MANBAL: variants seen among roughly 807,000 people sequenced by gnomAD.
The protein encoded by MANBAL is protein MANBAL.
A neutral mutation model predicts 6.4 loss-of-function variants in MANBAL; 1 was observed. The ratio of observed to expected loss-of-function variants is 0.16; its 90% CI spans 0.06 to 0.74. The LOEUF (loss-of-function observed/expected upper bound fraction) is 0.74, where lower values mean the gene tolerates loss of function less well. MANBAL is among the 30% of genes least tolerant of loss of function. The pLI is 0.78. For synonymous variants in MANBAL, 47 were observed against 45.8 expected (o/e 1.03, Z -0.10); for missense variants, 100 against 107.8 (o/e 0.93, Z 0.32).
At chr20:37,307,415 T>C (rs113299636) in intron 2 of MANBAL, among the ~76,000 whole-genome samples, 2,224 of 152,246 alleles carry the variant, frequency 0.015, 26 homozygotes, top group Middle Eastern at 0.058. Flanking sequence ...AATAGCAAAA[T>C]GTTCCGTGTG....
chr20:37,308,909 A>G (rs16986566), intron 2 of MANBAL, among the ~76,000 whole-genome samples: 1,594 of 152,300 alleles, frequency 0.01, 35 homozygotes, highest in African/African-American at 0.035. Context: ...ATCTGTTCAT[A>G]TGCTTATAGT....
chr20:37,290,441 CTT>C (rs35253533), intron 1 of MANBAL, among the ~76,000 whole-genome samples: 6 of 144,710 alleles, frequency 4.1e-5, no homozygotes, highest in Admixed American at 1.4e-4. Context: ...TTTTTCTTTC[CTT>C]TTTTTTTTTT....
chr20:37,306,542 C>T (rs1351835562), intron 2 of MANBAL, among the ~76,000 whole-genome samples: 1 of 152,202 alleles, frequency 6.6e-6, no homozygotes, highest in African/African-American at 2.4e-5. Context: ...ATTGGCAACT[C>T]ATTAAACTCA....
chr20:37,316,510 G>A lies in MANBAL; in HGVS notation c.*95G>A. On this transcript the variant is annotated 3_prime_UTR_variant, in exon 3 of 3. Transcript: ENST00000373606. ...TGTGTTCCCCCGCATTCCAGGCTCA[G>A]GGTCTGAGGAGGCTGTGACGCCCTA... The A allele has an allele frequency of 1.8e-6, 2 of 1,133,744 alleles. No homozygotes were observed. The highest frequency in any genetic ancestry group is 2.5e-6 in the Non-Finnish European group (2 of 794,000). 70.2% of individuals were successfully genotyped at this position (1,133,744 alleles called of 1,614,324 possible).
rs2069523703 is a variant in MANBAL at position 37,316,492 on chromosome 20, C to T, written c.*77C>T. The T allele has an allele frequency of 7.7e-7, 1 of 1,307,020 alleles. No homozygotes were observed. The highest frequency in any genetic ancestry group is 1.5e-5 in the African/African-American group (1 of 67,422). 81.0% of individuals were successfully genotyped at this position (1,307,020 alleles called of 1,614,324 possible). A position where few individuals can be genotyped will look rare whatever the true frequency, so the allele number is the denominator to read the frequency against. On this transcript the variant is annotated 3_prime_UTR_variant, in exon 3 of 3. Coordinates refer to ENST00000373606, the MANE Select transcript of MANBAL (RefSeq NM_001003897.2). ...CCTCCTGGGAATCTACATTGTGTTCCCCCGCATTCCAGGCTCAGGGTCTGA... is the reference window on the plus strand; with the variant it reads ...CCTCCTGGGAATCTACATTGTGTTCTCCCGCATTCCAGGCTCAGGGTCTGA...
At chr20:37,307,920 G>T (rs1203385916) in intron 2 of MANBAL, among the ~76,000 whole-genome samples, 2 of 152,158 alleles carry the variant, frequency 1.3e-5, no homozygotes, top group Non-Finnish European at 2.9e-5. Flanking sequence ...GACTGAGAAG[G>T]TGCGGGTGCT....
At chr20:37,298,946 A>G (rs1400428564) in intron 1 of MANBAL, 2 of 152,160 alleles carry the variant, frequency 1.3e-5, no homozygotes, top group East Asian at 3.9e-4. Flanking sequence ...TCTGTTGCCC[A>G]GGCTGGTTTC....
chr20:37,291,895 G>C (rs1040770205), intron 1 of MANBAL, among the ~76,000 whole-genome samples: 2 of 152,174 alleles, frequency 1.3e-5, no homozygotes. Flanking sequence ...CCGTGAGTCC[G>C]TTAAACCTCT....
At chr20:37,304,920 G>A (rs997531945) in intron 2 of MANBAL, among the ~76,000 whole-genome samples, 1 of 152,200 alleles carries the variant, frequency 6.6e-6, no homozygotes, top group Non-Finnish European at 1.5e-5. Context: ...CACGGCAGGG[G>A]ACAGGGTCTC....
chr20:37,305,058 G>A (rs2069226517), intron 2 of MANBAL, among the ~76,000 whole-genome samples: 1 of 152,148 alleles, frequency 6.6e-6, no homozygotes, highest in African/African-American at 2.4e-5. Flanking sequence ...AACAGGGATG[G>A]GTTCGTGGCC....
At chr20:37,296,191 G>A (rs924010343) in intron 1 of MANBAL, among the ~76,000 whole-genome samples, 1 of 152,156 alleles carries the variant, frequency 6.6e-6, no homozygotes, top group Non-Finnish European at 1.5e-5. Context: ...GCTACCATTT[G>A]GAGAACACAA....
chr20:37,313,116 C>T (rs1267894132), intron 2 of MANBAL, among the ~76,000 whole-genome samples: 5 of 152,174 alleles, frequency 3.3e-5, no homozygotes, highest in African/African-American at 1.2e-4. Context: ...CGGTGGCTCA[C>T]GCCTGTAATC....
chr20:37,302,315 G>T, intron 2 of MANBAL: 1 of 1,550,596 alleles, frequency 6.4e-7, no homozygotes. Context: ...ATTCCAGTCA[G>T]GTTATTGGGT....
chr20:37,301,310 C>T lies in MANBAL; in HGVS notation c.47C>T (p.Thr16Ile). The T allele has an allele frequency of 6.2e-7, 1 of 1,612,424 alleles. No individual in the cohort carries two copies. Among genetic ancestry groups the T allele is most frequent in the Non-Finnish European group, 8.5e-7 (1 of 1,178,790 alleles). The change falls in exon 2 of 3, where the codon ACT (threonine) becomes ATT (isoleucine). Residue 16 changes from threonine (T) to isoleucine (I), a missense_variant. Transcript: ENST00000373606. ...TCACCTCCGGAGGTGCCCGAGCCCA[C>T]TTTCCTGGAGAACCTGCTACGGTAC... Reference protein sequence around the residue: ...DFSPPEVPEPTFLENLLRYGL... With the variant: ...DFSPPEVPEPIFLENLLRYGL...
intron 2 of MANBAL, among the ~76,000 whole-genome samples, chr20:37,311,757 G>C (rs539650946): frequency 6.6e-6 from 1 of 151,288 alleles, no homozygotes; most frequent in East Asian, 2.0e-4. Flanking sequence ...AAAGTGCTGG[G>C]ATTACGGGCG....
chr20:37,314,322 C>G (rs1358339502), intron 2 of MANBAL, among the ~76,000 whole-genome samples: 2 of 151,984 alleles, frequency 1.3e-5, no homozygotes, highest in Non-Finnish European at 2.9e-5. Flanking sequence ...AGATGCCAGT[C>G]CTGATTGTCT....
At chr20:37,298,530 C>A (rs2069054910) in intron 1 of MANBAL, among the ~76,000 whole-genome samples, 2 of 152,090 alleles carry the variant, frequency 1.3e-5, no homozygotes, top group Non-Finnish European at 2.9e-5. Flanking sequence ...TATATTTATT[C>A]AAAGCTCATA....
intron 2 of MANBAL, 98 bp from the exon 3 acceptor site, chr20:37,316,209 GT>G: frequency 8.9e-7 from 1 of 1,119,932 alleles, no homozygotes; most frequent in Non-Finnish European, 1.3e-6. Context: ...CATCTCTTGT[GT>G]TTCTGTGGCA....
chr20:37,302,749 A>G (rs2069167360), intron 2 of MANBAL, among the ~76,000 whole-genome samples: 1 of 150,778 alleles, frequency 6.6e-6, no homozygotes, highest in Non-Finnish European at 1.5e-5. Context: ...TATTTTTAAT[A>G]TATTTAATAT....
Sources: allele counts gnomAD v4.1 joint callset (sites outside exome capture counted in the v4.1 genomes callset), GRCh38; gene constraint gnomAD v4.1.1; transcripts MANE v1.5; gene names NCBI Gene and HGNC (gene_info 2026-07-23, HGNC 2026-07-21).